Variants in BRINP3 observed in about 807,000 individuals in gnomAD.
BRINP3 encodes the protein BMP/retinoic acid inducible neural specific 3.
In BRINP3, 19 loss-of-function variants were observed where a neutral mutation model predicts 71.0. The ratio of observed to expected loss-of-function variants is 0.27; its 90% CI spans 0.19 to 0.39. The LOEUF is 0.39. Among genes scored for constraint, BRINP3 ranks in the 10% least tolerant of loss-of-function variants. The pLI is 1.00. For missense variants in BRINP3, 959 were observed against 940.8 expected, an observed-to-expected ratio of 1.02 and a Z score of -0.25; for synonymous variants, 380 against 337.7, an observed-to-expected ratio of 1.13 and a Z score of -1.37.
In BRINP3 at chr1:190,278,028, A is replaced by C. The variant is rs1406846263; in HGVS notation, c.427+3532T>G. 2.6e-5 allele frequency among the ~76,000 whole-genome samples: 4 copies of C among 151,852 alleles called. No individual in the cohort carries two copies. In the East Asian group the frequency reaches 7.8e-4, roughly 29 times the overall value. On this transcript the variant is annotated intron_variant, in intron 3 of 7. Coordinates refer to ENST00000367462, the MANE Select transcript of BRINP3 (RefSeq NM_199051.3). ...CAATCACTGGCTTTATCTGTCATAA[A>C]ATATCCCATTAAAGGCTTCAAGTAT...
At chr1:190,161,483 A>G (rs895068132) in intron 6 of BRINP3, among the ~76,000 whole-genome samples, 3 of 151,946 alleles carry the variant, frequency 2.0e-5, no homozygotes, top group African/African-American at 4.8e-5. Flanking sequence ...GTAACTGACT[A>G]TATTCTAATT....
chr1:190,314,667 G>T (rs1460875073), intron 2 of BRINP3, among the ~76,000 whole-genome samples: 2 of 152,198 alleles, frequency 1.3e-5, no homozygotes, highest in South Asian at 4.1e-4. Context: ...ATTGATTTTA[G>T]CCCAGTGAGC....
chr1:190,245,661 G>A (rs1659527754), intron 4 of BRINP3, among the ~76,000 whole-genome samples: 1 of 151,724 alleles, frequency 6.6e-6, no homozygotes, highest in South Asian at 2.1e-4. Context: ...GTGCAAGTTT[G>A]TTACATACGT....
At chr1:190,237,113 T>A (rs142506590) in intron 4 of BRINP3, among the ~76,000 whole-genome samples, 1 of 151,916 alleles carries the variant, frequency 6.6e-6, no homozygotes, top group Non-Finnish European at 1.5e-5. Flanking sequence ...TTTGAGAATA[T>A]TTGAATATCT....
chr1:190,236,146 A>G (rs72729179), intron 4 of BRINP3, among the ~76,000 whole-genome samples: 3,081 of 152,094 alleles, frequency 0.02, 42 homozygotes, highest in Non-Finnish European at 0.032. Flanking sequence ...AAGAAGTTCA[A>G]TTGTAAAAAA....
At chr1:190,352,567 ACATAT>A (rs1383085018) in intron 2 of BRINP3, among the ~76,000 whole-genome samples, 2 of 152,002 alleles carry the variant, frequency 1.3e-5, no homozygotes, top group Admixed American at 6.6e-5. Context: ...ATTGAAGTAA[ACATAT>A]CATATTTTCC....
intron 2 of BRINP3, among the ~76,000 whole-genome samples, chr1:190,355,464 C>T (rs561021018): frequency 6.6e-6 from 1 of 151,898 alleles, no homozygotes; most frequent in East Asian, 1.9e-4. Flanking sequence ...CAAAAACAAA[C>T]ATTATAAGTG....
At chr1:190,195,018 C>A (rs1571326895) in intron 6 of BRINP3, among the ~76,000 whole-genome samples, 2 of 151,942 alleles carry the variant, frequency 1.3e-5, no homozygotes, top group Admixed American at 1.3e-4. Context: ...TTCATGCTTT[C>A]TTTCAACATG....
At chr1:190,312,887 C>T (rs1240074945) in intron 2 of BRINP3, among the ~76,000 whole-genome samples, 1 of 151,704 alleles carries the variant, frequency 6.6e-6, no homozygotes, top group Non-Finnish European at 1.5e-5. Context: ...ATAACCTGTT[C>T]TGGGAATATG....
chr1:190,330,451 T>C (rs1299340806), intron 2 of BRINP3, among the ~76,000 whole-genome samples: 1 of 151,768 alleles, frequency 6.6e-6, no homozygotes, highest in Non-Finnish European at 1.5e-5. Context: ...ATACCAGACA[T>C]AATGAGTTTT....
chr1:190,185,877 TA>T (rs1653470027), intron 6 of BRINP3, among the ~76,000 whole-genome samples: 1 of 152,132 alleles, frequency 6.6e-6, no homozygotes, highest in African/African-American at 2.4e-5. Flanking sequence ...GTGTTGGGAA[TA>T]TTCAATATCA....
At chr1:190,125,935 A>AACC (rs1439105656) in intron 7 of BRINP3, among the ~76,000 whole-genome samples, 1 of 152,006 alleles carries the variant, frequency 6.6e-6, no homozygotes, top group Non-Finnish European at 1.5e-5. Context: ...AGTCACACAG[A>AACC]ACCACAGCTA....
chr1:190,265,142 G>A (rs1335980473), intron 3 of BRINP3, 87 bp from the exon 4 acceptor site: 4 of 1,210,060 alleles, frequency 3.3e-6, no homozygotes, highest in African/African-American at 3.2e-5. Flanking sequence ...TCTAGCTTAT[G>A]AATATAGTAA....
At chr1:190,369,038 C>T (rs925985768) in intron 2 of BRINP3, among the ~76,000 whole-genome samples, 8 of 152,140 alleles carry the variant, frequency 5.3e-5, no homozygotes, top group African/African-American at 1.7e-4. Flanking sequence ...GGGAATACTT[C>T]CACAATACTT....
chr1:190,392,965 A>C (rs979627820), intron 2 of BRINP3, among the ~76,000 whole-genome samples: 1 of 151,656 alleles, frequency 6.6e-6, no homozygotes, highest in African/African-American at 2.4e-5. Context: ...GACTTGAATC[A>C]AATTATTGGG....
chr1:190,236,801 A>G (rs1435908466), intron 4 of BRINP3, among the ~76,000 whole-genome samples: 1 of 152,002 alleles, frequency 6.6e-6, no homozygotes, highest in Non-Finnish European at 1.5e-5. Context: ...GAGAATACTT[A>G]GGGTTTAAGA....
intron 2 of BRINP3, among the ~76,000 whole-genome samples, chr1:190,380,289 C>T (rs1255301889): frequency 6.6e-6 from 1 of 152,014 alleles, no homozygotes; most frequent in Admixed American, 6.6e-5. Context: ...GAATGATCTG[C>T]AGGCTTTAAA....
chr1:190,196,210 T>C (rs1654462815), intron 6 of BRINP3, among the ~76,000 whole-genome samples: 1 of 152,132 alleles, frequency 6.6e-6, no homozygotes, highest in African/African-American at 2.4e-5. Context: ...TTAGATTTAG[T>C]TCCTTTAGGA....
At chr1:190,379,845 A>C (rs1035039061) in intron 2 of BRINP3, among the ~76,000 whole-genome samples, 3 of 151,790 alleles carry the variant, frequency 2.0e-5, no homozygotes, top group African/African-American at 7.3e-5. Context: ...TAAAGATACA[A>C]AAAATTACCT....
Sources: allele counts gnomAD v4.1 joint callset (sites outside exome capture counted in the v4.1 genomes callset), GRCh38; gene constraint gnomAD v4.1.1; transcripts MANE v1.5; gene names NCBI Gene and HGNC (gene_info 2026-07-23, HGNC 2026-07-21).